KALRN: variants seen among roughly 807,000 people sequenced by gnomAD.
The protein encoded by KALRN is kalirin.
A neutral mutation model predicts 353.7 loss-of-function variants in KALRN; 70 were observed. That is an observed-to-expected ratio of 0.20 (90% CI 0.16 to 0.24). KALRN has a LOEUF of 0.24. Among genes scored for constraint, KALRN ranks in the 10% least tolerant of loss-of-function variants. The pLI is 1.00. For missense variants in KALRN, 2,791 were observed against 3,756.7 expected, an observed-to-expected ratio of 0.74 and a Z score of 6.72; for synonymous variants, 1,391 against 1,434.8, an observed-to-expected ratio of 0.97 and a Z score of 0.69.
intron 37 of KALRN, among the ~76,000 whole-genome samples, chr3:124,644,619 T>A (rs2082479865): frequency 6.6e-6 from 1 of 152,318 alleles, no homozygotes; most frequent in East Asian, 1.9e-4. Flanking sequence ...GAATGATGGT[T>A]TCCAGCTTCC....
At chr3:124,247,710 T>C (rs569154583) in intron 3 of KALRN, among the ~76,000 whole-genome samples, 29 of 152,286 alleles carry the variant, frequency 1.9e-4, no homozygotes, top group Admixed American at 1.0e-3. Context: ...TTGAAGATAA[T>C]TTGTCTTTTC....
At chr3:124,094,929 T>C (rs757748579) in intron 1 of KALRN, 1 of 1,602,574 alleles carries the variant, frequency 6.2e-7, no homozygotes, top group South Asian at 1.1e-5. Flanking sequence ...TGTATGCTTG[T>C]ATGAGAGACT....
chr3:124,630,766 G>A (rs957713340), intron 34 of KALRN, among the ~76,000 whole-genome samples: 1 of 152,132 alleles, frequency 6.6e-6, no homozygotes, highest in Non-Finnish European at 1.5e-5. Flanking sequence ...GCTATTGCAA[G>A]CATATACGAT....
intron 4 of KALRN, among the ~76,000 whole-genome samples, chr3:124,268,022 T>G (rs1199204034): frequency 6.6e-6 from 1 of 152,154 alleles, no homozygotes; most frequent in East Asian, 1.9e-4. Context: ...CTCTCATTCT[T>G]CATGAGAAAG....
intron 1 of KALRN, chr3:124,094,074 TCA>T (rs2061281907): frequency 6.6e-6 from 1 of 152,310 alleles, no homozygotes; most frequent in Non-Finnish European, 1.5e-5. Flanking sequence ...GCTTTGAGGC[TCA>T]CAAATACTGT....
chr3:124,570,788 G>T (rs1030310941), intron 34 of KALRN, among the ~76,000 whole-genome samples: 2 of 152,164 alleles, frequency 1.3e-5, no homozygotes, highest in African/African-American at 4.8e-5. Context: ...TTCTTGAATA[G>T]ATTTAATTTG....
intron 34 of KALRN, among the ~76,000 whole-genome samples, chr3:124,607,387 A>G (rs1446870309): frequency 6.6e-6 from 1 of 152,234 alleles, no homozygotes; most frequent in Non-Finnish European, 1.5e-5. Context: ...ATACTGAATC[A>G]CTGTGGTTAC....
chr3:124,038,393 C>T (rs561319244), intron 1 of KALRN, among the ~76,000 whole-genome samples: 5 of 151,928 alleles, frequency 3.3e-5, no homozygotes, highest in Non-Finnish European at 5.9e-5. Context: ...CCAGAAGGGA[C>T]GTTAGTATCC....
Position 124,395,267 on chromosome 3 carries a change from G to A in KALRN, c.2095G>A (p.Val699Ile), listed in dbSNP as rs772163857. The change falls in exon 12 of 60, where the codon GTC becomes ATC. Residue 699 changes from valine (V) to isoleucine (I), a missense_variant. This residue lies in a region of KALRN where 452 missense variants were observed against 575.8 expected (regional missense o/e 0.78). Transcript: ENST00000682506. ...QTATLDATLNVIKEGEDLIQQ... is the reference protein window; with the variant it reads ...QTATLDATLNIIKEGEDLIQQ... ...CGCCACTCTAGATGCCACACTCAAT[G>A]TCATCAAGGAAGGCGAAGACCTTAT... 5 of 1,613,596 alleles carry A rather than the reference G, an allele frequency of 3.1e-6. No individual in the cohort carries two copies. In the Admixed American group the frequency reaches 5.0e-5, roughly 16 times the overall value.
chr3:124,263,074 C>G (rs1002890937), intron 3 of KALRN, among the ~76,000 whole-genome samples: 1 of 152,208 alleles, frequency 6.6e-6, no homozygotes, highest in African/African-American at 2.4e-5. Flanking sequence ...TATAACTATT[C>G]TGACCTTCGT....
At chr3:124,304,271 A>T (rs918029032) in intron 6 of KALRN, among the ~76,000 whole-genome samples, 5 of 152,218 alleles carry the variant, frequency 3.3e-5, no homozygotes, top group African/African-American at 1.2e-4. Context: ...AATCTTATCC[A>T]GTAAGCATTA....
At chr3:124,438,014 T>A (rs1310739482) in intron 17 of KALRN, among the ~76,000 whole-genome samples, 1 of 152,226 alleles carries the variant, frequency 6.6e-6, no homozygotes, top group East Asian at 1.9e-4. Flanking sequence ...CTATACTTTT[T>A]AACTAAGTAT....
chr3:124,640,286 C>CTTTTTT (rs71777187), intron 37 of KALRN, among the ~76,000 whole-genome samples: 5 of 127,468 alleles, frequency 3.9e-5, no homozygotes, highest in East Asian at 2.3e-4. Flanking sequence ...TTCTTTCTTT[C>CTTTTTT]TTTTTTTTTT....
intron 1 of KALRN, among the ~76,000 whole-genome samples, chr3:124,084,906 G>C (rs2060726647): frequency 6.6e-6 from 1 of 152,178 alleles, no homozygotes; most frequent in Non-Finnish European, 1.5e-5. Flanking sequence ...TCTTCCATAT[G>C]CAGCTGTTTG....
intron 33 of KALRN, among the ~76,000 whole-genome samples, chr3:124,527,898 T>A (rs1349188729): frequency 6.6e-6 from 1 of 152,142 alleles, no homozygotes; most frequent in African/African-American, 2.4e-5. Context: ...TCCTTCAAGT[T>A]CACATGGCGA....
At chr3:124,678,669 C>T (rs1057310953) in intron 50 of KALRN, 11 of 175,356 alleles carry the variant, frequency 6.3e-5, no homozygotes, top group African/African-American at 2.6e-4. Flanking sequence ...AGAATACACA[C>T]AGGGTAAAGC....
At chr3:124,620,918 G>C (rs2079195629) in intron 34 of KALRN, among the ~76,000 whole-genome samples, 1 of 152,192 alleles carries the variant, frequency 6.6e-6, no homozygotes, top group Admixed American at 6.5e-5. Flanking sequence ...ATCCTAACAG[G>C]AGCCAAAGCG....
chr3:124,187,059 G>A (rs549524009), intron 1 of KALRN, among the ~76,000 whole-genome samples: 4 of 152,246 alleles, frequency 2.6e-5, no homozygotes, highest in Non-Finnish European at 5.9e-5. Flanking sequence ...ACCTGGACAT[G>A]TAGATTGAAC....
At chr3:124,330,029 T>C (rs1373093010) in intron 8 of KALRN, 37 bp downstream of exon 8, 1 of 1,606,172 alleles carries the variant, frequency 6.2e-7, no homozygotes, top group African/African-American at 1.3e-5. Flanking sequence ...TTCTTGGGCA[T>C]GTCTGCATGT....
Sources: allele counts gnomAD v4.1 joint callset (sites outside exome capture counted in the v4.1 genomes callset), GRCh38; gene constraint gnomAD v4.1.1; regional missense constraint gnomAD v4.1.1; transcripts MANE v1.5; gene names NCBI Gene and HGNC (gene_info 2026-07-23, HGNC 2026-07-21).